The following DMTN variants were observed in gnomAD, a reference collection of about 807,000 sequenced individuals.
The protein encoded by DMTN is dematin.
A neutral mutation model predicts 59.4 loss-of-function variants in DMTN; 27 were observed. That is an observed-to-expected ratio of 0.45 (90% CI 0.33 to 0.63). DMTN has a LOEUF of 0.63. DMTN is among the 20% of genes least tolerant of loss of function. The probability of loss-of-function intolerance (pLI) is 0.02; values close to 1 mark genes in which losing one functional copy is unlikely to be tolerated. For synonymous variants in DMTN, 221 were observed against 203.7 expected (o/e 1.08, Z -0.72); for missense variants, 451 against 528.9 (o/e 0.85, Z 1.45).
At position 22,080,189 on chromosome 8, in the gene DMTN, A is replaced by C; in HGVS notation, c.845A>C (p.Gln282Pro). ...TTTTGCTGTCTTCCAGCCTTGCACC[A>C]GGGAACGTCTAAATCTTCCTCTCTC... ...DRTPFHTSLH[Q>P]GTSKSSSLPA... is the part of the protein sequence containing the mutation. Residue 282 changes from glutamine to proline, a missense_variant, in exon 11 of 16, where the codon CAG (glutamine) becomes CCG (proline). Physicochemically the swap from Gln to Pro is moderately conservative, Grantham distance 76. Coordinates refer to ENST00000358242, the MANE Select transcript of DMTN (RefSeq NM_001387751.1). 6.2e-7 allele frequency: 1 copy of C among 1,614,184 alleles called. No homozygotes were observed. The highest frequency in any genetic ancestry group is 8.5e-7 in the Non-Finnish European group (1 of 1,180,024).
At chr8:22,049,574 C>T (rs1585551417), upstream of DMTN, among the ~76,000 whole-genome samples, 1 of 85,948 alleles carries the variant, frequency 1.2e-5, no homozygotes, top group East Asian at 4.9e-4. Flanking sequence ...GGACAACCCC[C>T]CCCCCCCGCC....
At chr8:22,052,447 T>C (rs757674527), upstream of DMTN, among the ~76,000 whole-genome samples, 6 of 152,080 alleles carry the variant, frequency 3.9e-5, no homozygotes, top group Admixed American at 1.3e-4. Context: ...CCTTCCTTCT[T>C]TAGGCAGACG....
At chr8:22,054,853 C>T (rs1160138561), upstream of DMTN, 1 of 152,502 alleles carries the variant, frequency 6.6e-6, no homozygotes, top group Non-Finnish European at 1.5e-5. Context: ...ACAGCTTCCT[C>T]CTCCCCCCCT....
At chr8:22,052,293 C>T (rs915713114), upstream of DMTN, among the ~76,000 whole-genome samples, 4 of 152,202 alleles carry the variant, frequency 2.6e-5, no homozygotes, top group Admixed American at 6.5e-5. Flanking sequence ...TTTTCCTCCC[C>T]GACAGTGCCC....
chr8:22,070,967 C>G (rs901792484), intron 8 of DMTN, among the ~76,000 whole-genome samples: 1 of 152,190 alleles, frequency 6.6e-6, no homozygotes, highest in Non-Finnish European at 1.5e-5. Flanking sequence ...GCCTCCAGTT[C>G]CATTCATGTT....
intron 1 of DMTN, among the ~76,000 whole-genome samples, chr8:22,064,375 C>G (rs891730988): frequency 6.6e-6 from 1 of 152,216 alleles, no homozygotes; most frequent in Non-Finnish European, 1.5e-5. Context: ...CATTACAAAG[C>G]AAGTACTGAG....
At chr8:22,080,907 G>C in intron 14 of DMTN, 37 bp downstream of exon 14, 1 of 1,531,262 alleles carries the variant, frequency 6.5e-7, no homozygotes, top group South Asian at 1.3e-5. Context: ...GTAGCGGGGC[G>C]GGAGGCTGGG....
At position 22,058,800 on chromosome 8, in the gene DMTN, C is replaced by A. The variant is rs944539497; in HGVS notation, c.-172+1664C>A. On this transcript the variant is annotated intron_variant, in intron 1 of 15. Coordinates refer to ENST00000358242, the MANE Select transcript of DMTN (RefSeq NM_001387751.1). This position sits in a 1 kb window ranked among gnomAD's most constrained non-coding sequence, Gnocchi z 4.3. Reference sequence around the variant, plus strand: ...AGAAAGTGGGAGAAGAGGAGGGAGTCCCCAGGCTCTGCCAGCCTTAGGACA... The same window carrying A: ...AGAAAGTGGGAGAAGAGGAGGGAGTACCCAGGCTCTGCCAGCCTTAGGACA... Among the ~76,000 whole-genome samples, 6 of 151,478 alleles carry A rather than the reference C, an allele frequency of 4.0e-5. No individual in the cohort carries two copies. The highest frequency in any genetic ancestry group is 3.9e-4 in the Admixed American group (6 of 15,230).
chr8:22,074,894 A>C (rs965176817), intron 10 of DMTN, among the ~76,000 whole-genome samples: 1 of 152,140 alleles, frequency 6.6e-6, no homozygotes, highest in African/African-American at 2.4e-5. Flanking sequence ...AAGCCTCTTA[A>C]AGCCTAAGAG....
At chr8:22,080,550 G>A (rs1241426433) in intron 12 of DMTN, 68 bp from the exon 13 acceptor site, 2 of 1,613,736 alleles carry the variant, frequency 1.2e-6, no homozygotes, top group East Asian at 4.5e-5. Flanking sequence ...CAGGGGTCTG[G>A]TGAGGTCAGG....
intron 1 of DMTN, among the ~76,000 whole-genome samples, chr8:22,063,853 A>G (rs1324784321): frequency 1.3e-5 from 2 of 152,108 alleles, no homozygotes; most frequent in East Asian, 3.8e-4. Context: ...TCTGCTTTGC[A>G]TGGGAGTTAT....
chr8:22,065,044 CA>C (rs1809479096), intron 1 of DMTN, among the ~76,000 whole-genome samples: 1 of 152,128 alleles, frequency 6.6e-6, no homozygotes, highest in African/African-American at 2.4e-5. Flanking sequence ...ACATAATGAG[CA>C]TTCAAAAAAT....
upstream of DMTN, among the ~76,000 whole-genome samples, chr8:22,054,151 G>A (rs1384020129): frequency 7.3e-6 from 1 of 137,214 alleles, no homozygotes; most frequent in Non-Finnish European, 1.5e-5. Flanking sequence ...CCAGATCCCT[G>A]GCAGCAAAAT....
At chr8:22,061,238 A>G (rs1312904519) in intron 1 of DMTN, among the ~76,000 whole-genome samples, 2 of 150,816 alleles carry the variant, frequency 1.3e-5, no homozygotes, top group African/African-American at 4.9e-5. Context: ...AGCTATGATC[A>G]TGCCACAGTG....
chr8:22,079,870 A>G (rs759143878), intron 10 of DMTN, among the ~76,000 whole-genome samples: 2 of 152,120 alleles, frequency 1.3e-5, no homozygotes, highest in Non-Finnish European at 2.9e-5. Context: ...CCAGAGGTTC[A>G]TTTTATGATG....
intron 6 of DMTN, 106 bp from the exon 7 acceptor site, chr8:22,069,775 G>T: frequency 7.5e-7 from 1 of 1,331,602 alleles, no homozygotes; most frequent in Non-Finnish European, 1.1e-6. Context: ...TCTTGACAGG[G>T]GCCAGTGAGT....
intron 1 of DMTN, among the ~76,000 whole-genome samples, chr8:22,057,673 C>A (rs985763027): frequency 5.3e-5 from 8 of 152,104 alleles, no homozygotes; most frequent in Non-Finnish European, 1.5e-5. Flanking sequence ...TGTGGCAGGG[C>A]GCAGCTGCAA....
intron 6 of DMTN, 129 bp from the exon 7 acceptor site, chr8:22,069,752 G>A: frequency 8.8e-7 from 1 of 1,134,356 alleles, no homozygotes; most frequent in African/African-American, 1.5e-5. Context: ...AGGAATGCCA[G>A]CCCTGTCTTG....
upstream of DMTN, among the ~76,000 whole-genome samples, chr8:22,050,263 T>TG (rs1198370317): frequency 6.7e-6 from 1 of 148,506 alleles, no homozygotes; most frequent in Non-Finnish European, 1.5e-5. Context: ...GACAAAGGGT[T>TG]GGGGGCCCCC....
Sources: gnomAD v4.1 joint callset for allele counts (sites outside exome capture counted in the v4.1 genomes callset) on GRCh38, gnomAD v4.1.1 for gene constraint, Gnocchi (gnomAD v3.1) non-coding constraint, MANE v1.5 for transcripts, NCBI Gene and HGNC (gene_info 2026-07-23, HGNC 2026-07-21) for gene names.